Variants in TECPR2 observed in about 807,000 individuals in gnomAD.
TECPR2 encodes tectonin beta-propeller repeat-containing protein 2.
In TECPR2, 65 loss-of-function variants were observed where a neutral mutation model predicts 138.1. The ratio of observed to expected loss-of-function variants is 0.47; its 90% CI spans 0.39 to 0.58. TECPR2 has a LOEUF of 0.58. Among genes scored for constraint, TECPR2 ranks in the 20% least tolerant of loss-of-function variants. TECPR2 has a pLI of 0.00. For synonymous variants in TECPR2, 746 were observed against 749.8 expected, an observed-to-expected ratio of 0.99 and a Z score of 0.08; for missense variants, 1,553 against 1,824.5, an observed-to-expected ratio of 0.85 and a Z score of 2.71.
At chr14:102,380,742 G>A (rs529583986) in intron 2 of TECPR2, among the ~76,000 whole-genome samples, 40 of 152,274 alleles carry the variant, frequency 2.6e-4, no homozygotes, top group African/African-American at 8.9e-4. Context: ...GCAGTGGCGC[G>A]ATCTCGGCTC....
Position 102,438,210 on chromosome 14 carries a change from G to T in TECPR2, c.2578+5G>T. 1 of 1,599,552 alleles carries T rather than the reference G, an allele frequency of 6.3e-7. No individual in the cohort carries two copies. On this transcript the variant is annotated splice_donor_5th_base_variant and intron_variant, in intron 10 of 19. Coordinates refer to ENST00000359520, the MANE Select transcript of TECPR2 (RefSeq NM_014844.5). Reference sequence around the variant, plus strand: ...AGGTGGCAGTCTCGCCCTCAGGTTCGCCTCCCCGCTCCCTGCTCCCGCTCC... The same window carrying T: ...AGGTGGCAGTCTCGCCCTCAGGTTCTCCTCCCCGCTCCCTGCTCCCGCTCC...
chr14:102,414,589 C>G, intron 4 of TECPR2, 47 bp from the exon 5 acceptor site: 1 of 1,606,166 alleles, frequency 6.2e-7, no homozygotes, highest in Non-Finnish European at 8.5e-7. Flanking sequence ...GAGGTCCATT[C>G]TTTAGCCTGG....
rs1380003414 is a variant in TECPR2 at position 102,415,771 on chromosome 14, G to T, written c.638+978G>T. ...TGTCTCCCAGGAAAGGGCACTGTTT[G>T]CCTGCATAGAATCAGGGGCAGGGCA... On this transcript the variant is annotated intron_variant, in intron 5 of 19. Coordinates refer to ENST00000359520, the MANE Select transcript of TECPR2 (RefSeq NM_014844.5). This position sits in a 1 kb window ranked among gnomAD's most constrained non-coding sequence, Gnocchi z 4.3. 2.0e-5 allele frequency among the ~76,000 whole-genome samples: 3 copies of T among 152,204 alleles called. No homozygotes were observed. The East Asian group carries it at 5.8e-4, about 29-fold the overall frequency.
intron 2 of TECPR2, among the ~76,000 whole-genome samples, chr14:102,387,946 G>A (rs1217423841): frequency 6.6e-6 from 1 of 152,208 alleles, no homozygotes; most frequent in Admixed American, 6.5e-5. Context: ...CCAAGAAAAC[G>A]GAAGGGAAAG....
At chr14:102,406,269 C>T (rs926352222) in intron 2 of TECPR2, among the ~76,000 whole-genome samples, 1 of 152,180 alleles carries the variant, frequency 6.6e-6, no homozygotes, top group Admixed American at 6.5e-5. Flanking sequence ...GGGATGAGGG[C>T]TGGGCATGGT....
intron 1 of TECPR2, among the ~76,000 whole-genome samples, chr14:102,369,627 T>C (rs1338405177): frequency 4.6e-5 from 7 of 152,174 alleles, no homozygotes; most frequent in Admixed American, 6.5e-5. Context: ...AGTTTTGTCA[T>C]GTTGCCCAGG....
At chr14:102,393,779 C>T (rs1392854297) in intron 2 of TECPR2, among the ~76,000 whole-genome samples, 3 of 152,124 alleles carry the variant, frequency 2.0e-5, no homozygotes, top group Non-Finnish European at 2.9e-5. Context: ...AGGCTGGTAT[C>T]GAACTCCTGA....
intron 2 of TECPR2, among the ~76,000 whole-genome samples, chr14:102,384,878 CAG>C (rs1887955091): frequency 1.2e-5 from 1 of 83,798 alleles, no homozygotes; most frequent in Admixed American, 1.9e-4. Context: ...TTTTTTGAGA[CAG>C]AGTTTCACTC....
chr14:102,463,074 C>T (rs554752257), intron 16 of TECPR2, among the ~76,000 whole-genome samples: 10 of 152,306 alleles, frequency 6.6e-5, no homozygotes, highest in South Asian at 4.1e-4. Context: ...CCCGCAGACA[C>T]GGCTGTGGGT....
rs1889129995 is a variant in TECPR2, at chr14:102,419,764, A to G, written c.638+4971A>G. On this transcript the variant is annotated intron_variant, in intron 5 of 19. Coordinates refer to ENST00000359520, the MANE Select transcript of TECPR2 (RefSeq NM_014844.5). This position sits in a 1 kb window ranked among gnomAD's most constrained non-coding sequence, Gnocchi z 4.8. ...CAACCGTGGGTTTGCTGTCCTGTGT[A>G]TTTATGTTGCATTGTTTCATGTGTC... Among the ~76,000 whole-genome samples the G allele has an allele frequency of 6.6e-6, 1 of 152,092 alleles. No homozygotes were observed. The highest frequency in any genetic ancestry group is 2.4e-5 in the African/African-American group (1 of 41,406).
chr14:102,488,001 C>G (rs948883449), intron 17 of TECPR2, among the ~76,000 whole-genome samples: 20 of 151,936 alleles, frequency 1.3e-4, no homozygotes, highest in South Asian at 1.0e-3. Flanking sequence ...GCCACCACAC[C>G]TGGCTAATTT....
chr14:102,502,149 G>C lies in TECPR2; in HGVS notation c.*3892G>C, dbSNP rs563621044. The C allele has an allele frequency of 6.6e-6, 1 of 151,756 alleles. No individual in the cohort carries two copies. The highest frequency in any genetic ancestry group is 6.5e-5 in the Admixed American group (1 of 15,290). The allele number at this position is 151,756 out of a possible 1,614,324, so 9.4% of individuals were successfully genotyped here. A position where few individuals can be genotyped will look rare whatever the true frequency, so the allele number is the denominator to read the frequency against. On this transcript the variant is annotated 3_prime_UTR_variant, in exon 20 of 20. Transcript: ENST00000359520. The stretch of plus-strand genomic sequence containing the variant: ...CGTGTGTGCAGGAAGCGGAGGCGCA[G>C]GACCTCACCGCGCCAGCGTGAAGTT...
At chr14:102,494,620 G>C (rs1253329946) in intron 17 of TECPR2, among the ~76,000 whole-genome samples, 1 of 151,206 alleles carries the variant, frequency 6.6e-6, no homozygotes, top group African/African-American at 2.4e-5. Context: ...CTGAGGTCAG[G>C]AGTTCGAGAG....
intron 17 of TECPR2, among the ~76,000 whole-genome samples, chr14:102,488,458 GC>G (rs1891086550): frequency 5.3e-5 from 8 of 151,804 alleles, no homozygotes; most frequent in Admixed American, 5.3e-4. Flanking sequence ...TTCTGCCTCA[GC>G]CTCCTGAGTA....
At chr14:102,381,496 T>G (rs1465186163) in intron 2 of TECPR2, among the ~76,000 whole-genome samples, 6 of 152,154 alleles carry the variant, frequency 3.9e-5, no homozygotes, top group Non-Finnish European at 8.8e-5. Flanking sequence ...ATCGCTTGAA[T>G]CTGGGAGGCA....
At chr14:102,375,623 C>T (rs1473648882) in intron 1 of TECPR2, among the ~76,000 whole-genome samples, 1 of 152,152 alleles carries the variant, frequency 6.6e-6, no homozygotes, top group Non-Finnish European at 1.5e-5. Context: ...TTCAAAGAGA[C>T]CATAAATCCA....
At chr14:102,474,763 T>C (rs1157167100) in intron 17 of TECPR2, among the ~76,000 whole-genome samples, 1 of 152,156 alleles carries the variant, frequency 6.6e-6, no homozygotes, top group East Asian at 1.9e-4. Context: ...TGTGGGTCAG[T>C]GAGCAACCTT....
chr14:102,496,293 T>C (rs1323679843), intron 17 of TECPR2, among the ~76,000 whole-genome samples: 1 of 152,118 alleles, frequency 6.6e-6, no homozygotes, highest in Admixed American at 6.5e-5. Flanking sequence ...CAGACAGTGC[T>C]GTGCTCGCGG....
chr14:102,431,960 G>A lies in TECPR2; in HGVS notation c.1249G>A (p.Asp417Asn), dbSNP rs754251131. The A allele has an allele frequency of 4.0e-5, 64 of 1,612,942 alleles. No individual in the cohort carries two copies. In the East Asian group the frequency reaches 5.6e-4, roughly 14 times the overall value. Residue 417 changes from aspartate (D) to asparagine (N), a missense_variant, in exon 8 of 20, where the codon GAC (aspartate) becomes AAC (asparagine). Transcript: ENST00000359520. ...CAGGAGCAGCTCGCTCAACTCCACC[G>A]ACAGCGGCTCCGGGCTCCTGCCCCC... is the stretch of plus-strand genomic sequence containing the variant. ...RSRSSSLNSTDSGSGLLPPGL... is the reference protein window; with the variant it reads ...RSRSSSLNSTNSGSGLLPPGL...
Sources: allele counts gnomAD v4.1 joint callset (sites outside exome capture counted in the v4.1 genomes callset), GRCh38; gene constraint gnomAD v4.1.1; non-coding constraint Gnocchi (gnomAD v3.1); transcripts MANE v1.5; gene names NCBI Gene and HGNC (gene_info 2026-07-23, HGNC 2026-07-21).